Variants in THSD4 observed in about 807,000 individuals in gnomAD.
THSD4 encodes thrombospondin type-1 domain-containing protein 4.
THSD4 carries 69 observed loss-of-function variants against 119.0 expected under a neutral mutation model. That is an observed-to-expected ratio of 0.58 (90% confidence interval 0.48 to 0.71). The LOEUF is 0.71. Ranked by LOEUF, THSD4 falls within the 30% of genes least tolerant of loss-of-function variation. THSD4 has a pLI of 0.00. For synonymous variants in THSD4, 524 were observed against 540.4 expected (o/e 0.97, Z 0.42); for missense variants, 1,393 against 1,391.1 (o/e 1.00, Z -0.02).
chr15:71,650,854 C>T (rs1025215036), intron 7 of THSD4, among the ~76,000 whole-genome samples: 1 of 152,162 alleles, frequency 6.6e-6, no homozygotes, highest in African/African-American at 2.4e-5. Context: ...TGTCTGTTGG[C>T]ACGCTCTCAG....
chr15:71,230,226 C>G (rs952184795), intron 4 of THSD4, among the ~76,000 whole-genome samples: 9 of 152,144 alleles, frequency 5.9e-5, no homozygotes, highest in African/African-American at 1.9e-4. Flanking sequence ...CTCTAACCCC[C>G]GTAGTCCTGG....
chr15:71,350,668 G>A (rs369540907), intron 6 of THSD4, among the ~76,000 whole-genome samples: 4 of 152,186 alleles, frequency 2.6e-5, no homozygotes, highest in African/African-American at 7.2e-5. Flanking sequence ...AGAAAGAATG[G>A]CCAACAAGCT....
intron 8 of THSD4, among the ~76,000 whole-genome samples, chr15:71,721,350 T>C (rs2052718639): frequency 6.6e-6 from 1 of 152,056 alleles, no homozygotes; most frequent in African/African-American, 2.4e-5. Context: ...CTACTAAAAA[T>C]ACAAAAATTA....
At chr15:71,217,860 C>T (rs1239909426) in intron 4 of THSD4, among the ~76,000 whole-genome samples, 1 of 141,490 alleles carries the variant, frequency 7.1e-6, no homozygotes, top group African/African-American at 2.7e-5. Context: ...CATCTCAGTT[C>T]ACTGCAACCT....
At chr15:71,261,618 A>G (rs577283742) in intron 6 of THSD4, among the ~76,000 whole-genome samples, 17 of 152,262 alleles carry the variant, frequency 1.1e-4, no homozygotes, top group African/African-American at 3.9e-4. Flanking sequence ...AGCTCAGGTC[A>G]TGTGACCAAC....
chr15:71,518,826 A>G, intron 7 of THSD4, among the ~76,000 whole-genome samples: 1 of 152,206 alleles, frequency 6.6e-6, no homozygotes, highest in Admixed American at 6.5e-5. Context: ...TTATTCAGCA[A>G]ATGTTTATTG....
In THSD4 at chr15:71,780,131, T is replaced by A. The variant is rs993117201; in HGVS notation, c.*2757T>A. 2 of 152,328 alleles carry A rather than the reference T, an allele frequency of 1.3e-5. No individual in the cohort carries two copies. The highest frequency in any genetic ancestry group is 2.9e-5 in the Non-Finnish European group (2 of 68,150). The allele number at this position is 152,328 out of a possible 1,614,324, so 9.4% of individuals were successfully genotyped here. ...ATCTCCCTCCAAATATGTCTCTTTCTGCTTTCTTAGTGCCCATTATTTCCC... is the reference window on the plus strand; with the variant it reads ...ATCTCCCTCCAAATATGTCTCTTTCAGCTTTCTTAGTGCCCATTATTTCCC... On this transcript the variant is annotated 3_prime_UTR_variant, in exon 18 of 18. Coordinates refer to ENST00000261862, the MANE Select transcript of THSD4 (RefSeq NM_024817.3).
chr15:71,613,192 G>A (rs1277389112), intron 7 of THSD4, among the ~76,000 whole-genome samples: 1 of 152,056 alleles, frequency 6.6e-6, no homozygotes, highest in African/African-American at 2.4e-5. Context: ...TCTTGCATGG[G>A]AAGAGTTTTA....
intron 6 of THSD4, among the ~76,000 whole-genome samples, chr15:71,376,924 TG>T (rs2140444717): frequency 6.6e-6 from 1 of 152,270 alleles, no homozygotes; most frequent in African/African-American, 2.4e-5. Context: ...CCAAAGGCTC[TG>T]GGTTGGGGAA....
chr15:71,471,733 GT>G (rs1391048189), intron 7 of THSD4, among the ~76,000 whole-genome samples: 3 of 151,404 alleles, frequency 2.0e-5, no homozygotes, highest in Non-Finnish European at 4.4e-5. Context: ...TCAAGTGGGG[GT>G]CATAAAACCT....
At chr15:71,392,638 A>T (rs2140471030) in intron 6 of THSD4, among the ~76,000 whole-genome samples, 1 of 152,330 alleles carries the variant, frequency 6.6e-6, no homozygotes, top group East Asian at 1.9e-4. Context: ...ATGAACCCTG[A>T]GGGCCTTGGC....
intron 7 of THSD4, among the ~76,000 whole-genome samples, chr15:71,596,367 CT>C (rs111243818): frequency 2.6e-5 from 4 of 152,006 alleles, no homozygotes; most frequent in African/African-American, 4.8e-5. Flanking sequence ...ATCCAAAGGC[CT>C]TTTTTTTATG....
At chr15:71,536,477 C>G (rs7170077) in intron 7 of THSD4, among the ~76,000 whole-genome samples, 40,801 of 152,062 alleles carry the variant, frequency 0.27, 6,222 homozygotes, top group East Asian at 0.62. Context: ...CCATCTGCCA[C>G]CTTGTTTTCC....
At chr15:71,659,711 C>A (rs931770604) in intron 7 of THSD4, among the ~76,000 whole-genome samples, 20 of 152,236 alleles carry the variant, frequency 1.3e-4, no homozygotes, top group Admixed American at 1.2e-3. Context: ...CATGTCTGGC[C>A]CAAAGTTTAA....
chr15:71,451,510 T>C (rs1246270848), intron 7 of THSD4, among the ~76,000 whole-genome samples: 3 of 152,172 alleles, frequency 2.0e-5, no homozygotes, highest in East Asian at 1.9e-4. Flanking sequence ...CCCAAGTGCC[T>C]TCACTTCTAA....
intron 6 of THSD4, among the ~76,000 whole-genome samples, chr15:71,379,124 C>T (rs531893458): frequency 6.6e-6 from 1 of 152,062 alleles, no homozygotes; most frequent in Non-Finnish European, 1.5e-5. Context: ...AGATCAAAAG[C>T]TTTTTAAGGC....
chr15:71,544,934 C>T (rs4439715), intron 7 of THSD4, among the ~76,000 whole-genome samples: 7,284 of 152,210 alleles, frequency 0.048, 789 homozygotes, highest in East Asian at 0.46. Context: ...TATGATTCCA[C>T]TTATATGAAG....
intron 7 of THSD4, among the ~76,000 whole-genome samples, chr15:71,452,210 G>A (rs760126824): frequency 3.3e-5 from 5 of 152,212 alleles, no homozygotes; most frequent in South Asian, 2.1e-4. Context: ...TTGCCACAGC[G>A]CTGCATCTCC....
chr15:71,782,060 G>C lies in THSD4; in HGVS notation c.*4686G>C, dbSNP rs1168391280. 1 of 152,298 alleles carries C rather than the reference G, an allele frequency of 6.6e-6. No homozygotes were observed. The highest frequency in any genetic ancestry group is 1.5e-5 in the Non-Finnish European group (1 of 68,106). The allele number at this position is 152,298 out of a possible 1,614,324, so 9.4% of individuals were successfully genotyped here. On this transcript the variant is annotated 3_prime_UTR_variant, in exon 18 of 18. Transcript: ENST00000261862. Reference sequence around the variant, plus strand: ...CGTCTGCATCGAGGCGTAGCTGAGCGGCAGGATGGGGGGCTGCCTGCCCAG... The same window carrying C: ...CGTCTGCATCGAGGCGTAGCTGAGCCGCAGGATGGGGGGCTGCCTGCCCAG...
Sources: gnomAD v4.1 joint callset for allele counts (sites outside exome capture counted in the v4.1 genomes callset) on GRCh38, gnomAD v4.1.1 for gene constraint, MANE v1.5 for transcripts, NCBI Gene and HGNC (gene_info 2026-07-23, HGNC 2026-07-21) for gene names.